The following SMOC2 variants were observed in gnomAD, a reference collection of about 807,000 sequenced individuals.
SMOC2 encodes SPARC-related modular calcium-binding protein 2.
In SMOC2, 39 loss-of-function variants were observed where a neutral mutation model predicts 61.4. The ratio of observed to expected loss-of-function variants is 0.64; its 90% confidence interval spans 0.49 to 0.83. The LOEUF (loss-of-function observed/expected upper bound fraction) is 0.83, where lower values mean the gene tolerates loss of function less well. Ranked by LOEUF, SMOC2 falls within the 40% of genes least tolerant of loss-of-function variation. The pLI is 0.00. For missense variants in SMOC2, 556 were observed against 592.9 expected (o/e 0.94, Z 0.65); for synonymous variants, 247 against 239.9 (o/e 1.03, Z -0.27).
At chr6:168,541,600 A>G (rs1482076603) in intron 4 of SMOC2, among the ~76,000 whole-genome samples, 1 of 152,168 alleles carries the variant, frequency 6.6e-6, no homozygotes, top group Non-Finnish European at 1.5e-5. Flanking sequence ...AGGCAGGGGC[A>G]GGAAGGTTGG....
chr6:168,650,275 G>A (rs112199083), intron 9 of SMOC2, among the ~76,000 whole-genome samples: 3 of 152,202 alleles, frequency 2.0e-5, no homozygotes, highest in South Asian at 2.1e-4. Context: ...GGTGGGGGTG[G>A]CGGTGAATCA....
chr6:168,616,284 G>A (rs1045705397), intron 9 of SMOC2, among the ~76,000 whole-genome samples: 16 of 152,208 alleles, frequency 1.1e-4, no homozygotes, highest in African/African-American at 3.6e-4. Flanking sequence ...GAGTAGTTAG[G>A]TGAGCTATCT....
intron 1 of SMOC2, among the ~76,000 whole-genome samples, chr6:168,451,138 C>CTATT (rs1781451522): frequency 1.3e-5 from 2 of 152,156 alleles, no homozygotes; most frequent in Non-Finnish European, 2.9e-5. Flanking sequence ...AGGGGAAAGC[C>CTATT]CAGGAGAGCT....
chr6:168,617,034 A>T (rs1283029302), intron 9 of SMOC2, among the ~76,000 whole-genome samples: 2 of 152,202 alleles, frequency 1.3e-5, no homozygotes, highest in Admixed American at 1.3e-4. Context: ...AGGGCACCGG[A>T]GAGATGAGAA....
At chr6:168,514,827 C>A (rs368018877) in intron 2 of SMOC2, among the ~76,000 whole-genome samples, 1 of 152,128 alleles carries the variant, frequency 6.6e-6, no homozygotes, top group African/African-American at 2.4e-5. Context: ...CCGCTTTAGC[C>A]GTAGCCTTTG....
Position 168,527,674 on chromosome 6 carries a change from AC to A in SMOC2, c.411del (p.Asn137LysfsTer21). 6.4e-7 allele frequency: 1 copy of A among 1,552,642 alleles called. No individual in the cohort carries two copies. Among genetic ancestry groups the A allele is most frequent in the Non-Finnish European group, 8.7e-7 (1 of 1,147,720 alleles). On this transcript the variant is annotated frameshift_variant, in exon 4 of 13. Coordinates refer to ENST00000356284, the MANE Select transcript of SMOC2 (RefSeq NM_001166412.2). LOFTEE classifies it high-confidence loss of function. Reference sequence around the variant, plus strand: ...GGATACTGCTGGTGCGTCACGCCCAACGGGAGGCCCATCAGCGGCACTGCCG... The same window carrying A: ...GGATACTGCTGGTGCGTCACGCCCAAGGGAGGCCCATCAGCGGCACTGCCG... ...YTGYCWCVTP[N>X]GRPISGTAVA... is the part of the protein sequence containing the mutation.
At chr6:168,530,651 G>A (rs200482666) in intron 4 of SMOC2, among the ~76,000 whole-genome samples, 2 of 46,148 alleles carry the variant, frequency 4.3e-5, no homozygotes, top group Non-Finnish European at 1.1e-4. Flanking sequence ...CCCCCCCCCC[G>A]CCCCCACACC....
At chr6:168,463,365 A>C (rs1461480456) in intron 1 of SMOC2, among the ~76,000 whole-genome samples, 1 of 152,132 alleles carries the variant, frequency 6.6e-6, no homozygotes, top group Non-Finnish European at 1.5e-5. Context: ...CTGAGCTGGC[A>C]CCCGTTGCTG....
intron 9 of SMOC2, among the ~76,000 whole-genome samples, chr6:168,620,477 G>A (rs981081991): frequency 7.9e-5 from 12 of 152,146 alleles, no homozygotes. Context: ...GAATGCTCTT[G>A]AACAAGAAAG....
chr6:168,625,207 G>A (rs911852940), intron 9 of SMOC2, among the ~76,000 whole-genome samples: 3 of 152,228 alleles, frequency 2.0e-5, no homozygotes, highest in Non-Finnish European at 2.9e-5. Context: ...CGTCCTCACC[G>A]TGAAGACCCG....
At chr6:168,482,090 G>A (rs1490194995) in intron 1 of SMOC2, among the ~76,000 whole-genome samples, 1 of 151,702 alleles carries the variant, frequency 6.6e-6, no homozygotes, top group Admixed American at 6.6e-5. Flanking sequence ...AGGAAAATTA[G>A]TGAAACAAAA....
chr6:168,480,278 T>C (rs186491589), intron 1 of SMOC2, among the ~76,000 whole-genome samples: 1 of 152,184 alleles, frequency 6.6e-6, no homozygotes, highest in East Asian at 1.9e-4. Context: ...CAGAAAACTG[T>C]CCTTGAAAAA....
intron 7 of SMOC2, among the ~76,000 whole-genome samples, chr6:168,584,567 A>G (rs1785002441): frequency 1.3e-5 from 2 of 152,172 alleles, no homozygotes; most frequent in Admixed American, 1.3e-4. Flanking sequence ...ATTAAATGCA[A>G]TTTTCTGAGA....
At chr6:168,516,585 C>T (rs1291133464) in intron 2 of SMOC2, among the ~76,000 whole-genome samples, 1 of 152,148 alleles carries the variant, frequency 6.6e-6, no homozygotes, top group African/African-American at 2.4e-5. Flanking sequence ...ATGACCTCAA[C>T]AGCCCTCAGC....
intron 4 of SMOC2, among the ~76,000 whole-genome samples, chr6:168,540,371 G>T (rs1277296733): frequency 6.6e-6 from 1 of 152,254 alleles, no homozygotes; most frequent in African/African-American, 2.4e-5. Flanking sequence ...GTCCAGCAGA[G>T]CACGTGGAGA....
At chr6:168,647,223 C>A (rs553379141) in intron 9 of SMOC2, among the ~76,000 whole-genome samples, 1 of 152,168 alleles carries the variant, frequency 6.6e-6, no homozygotes, top group Non-Finnish European at 1.5e-5. Context: ...AGCCTGCATG[C>A]GGCAGTTTTG....
chr6:168,453,788 G>T lies in SMOC2; in HGVS notation c.84+12334G>T, dbSNP rs1157504496. Among the ~76,000 whole-genome samples, 2 of 150,694 alleles carry T rather than the reference G, an allele frequency of 1.3e-5. No individual in the cohort carries two copies. Among genetic ancestry groups the T allele is most frequent in the East Asian group, 3.9e-4 (2 of 5,066 alleles). Reference sequence around the variant, plus strand: ...CTCTGTCTCTCTGATTCTATCTCTTGGTCTCTGTCATTCTCCATCTCTGTC... The same window carrying T: ...CTCTGTCTCTCTGATTCTATCTCTTTGTCTCTGTCATTCTCCATCTCTGTC... On this transcript the variant is annotated intron_variant, in intron 1 of 12. Transcript: ENST00000356284. This position sits in a 1 kb window ranked among gnomAD's most constrained non-coding sequence, Gnocchi z 4.4.
At chr6:168,596,289 G>A (rs866243640) in intron 7 of SMOC2, among the ~76,000 whole-genome samples, 272 of 132,040 alleles carry the variant, frequency 2.1e-3, no homozygotes, top group Admixed American at 0.01. Flanking sequence ...ATGTGAACAC[G>A]GCAGTGATGA....
chr6:168,455,939 C>T (rs1327608997), intron 1 of SMOC2, among the ~76,000 whole-genome samples: 1 of 152,224 alleles, frequency 6.6e-6, no homozygotes, highest in African/African-American at 2.4e-5. Context: ...GCGGAGTCTT[C>T]ACCTCACTTC....
Sources: allele counts gnomAD v4.1 joint callset (sites outside exome capture counted in the v4.1 genomes callset), GRCh38; gene constraint gnomAD v4.1.1; non-coding constraint Gnocchi (gnomAD v3.1); transcripts MANE v1.5; gene names NCBI Gene and HGNC (gene_info 2026-07-23, HGNC 2026-07-21).